STEAP4: variants seen among roughly 807,000 people sequenced by gnomAD.
STEAP4 encodes metalloreductase STEAP4.
Under a neutral mutation model 43.6 loss-of-function variants are expected in STEAP4, and 36 were observed. That is an observed-to-expected ratio of 0.83 (90% CI 0.63 to 1.09). The LOEUF (loss-of-function observed/expected upper bound fraction) is 1.09, where lower values mean the gene tolerates loss of function less well. Ranked by LOEUF, STEAP4 falls within the 50% of genes least tolerant of loss-of-function variation. The pLI, the probability that STEAP4 is intolerant of heterozygous loss-of-function variation, is 0.00. For synonymous variants in STEAP4, 191 were observed against 196.7 expected, an observed-to-expected ratio of 0.97 and a Z score of 0.24; for missense variants, 495 against 546.5, an observed-to-expected ratio of 0.91 and a Z score of 0.94.
chr7:88,291,346 G>A (rs936000350), intron 1 of STEAP4, among the ~76,000 whole-genome samples: 4 of 151,918 alleles, frequency 2.6e-5, no homozygotes, highest in Non-Finnish European at 1.5e-5. Flanking sequence ...AATTAGCCAG[G>A]TGTGGTGGAA....
At position 88,272,937 on chromosome 7, in the gene STEAP4, C is replaced by G. The variant is rs1482956717; in HGVS notation, c.*6461G>C. On this transcript the variant is annotated 3_prime_UTR_variant, in exon 5 of 5. Transcript: ENST00000380079. ...TGTAGAAGGCTAGCTATAACAGACT[C>G]TATAGAAAATTCCTGCATTTGGTAG... The G allele has an allele frequency of 6.6e-6, 1 of 152,182 alleles. No individual in the cohort carries two copies. Among genetic ancestry groups the G allele is most frequent in the Non-Finnish European group, 1.5e-5 (1 of 68,032 alleles). The allele number at this position is 152,182 out of a possible 1,614,324, so 9.4% of individuals were successfully genotyped here.
chr7:88,280,931 T>A lies in STEAP4; in HGVS notation c.1133A>T (p.Glu378Val). 1 of 1,605,140 alleles carries A rather than the reference T, an allele frequency of 6.2e-7. No homozygotes were observed. The highest frequency in any genetic ancestry group is 8.5e-7 in the Non-Finnish European group (1 of 1,176,700). Reference protein sequence around the residue: ...PSVSNAVNWREFRFVQSKLGY... With the variant: ...PSVSNAVNWRVFRFVQSKLGY... Reference sequence around the variant, plus strand: ...AGTTCTTACCTGGACAAATCGGAACTCTCTCCAGTTGACTGCATTGCTAAC... The same window carrying A: ...AGTTCTTACCTGGACAAATCGGAACACTCTCCAGTTGACTGCATTGCTAAC... The change falls in exon 4 of 5, where the codon GAG becomes GTG. Residue 378 changes from glutamate to valine, a missense_variant. By Grantham distance (121) the Glu-to-Val change is moderately radical. Transcript: ENST00000380079.
At position 88,284,212 on chromosome 7, in the gene STEAP4, CT is replaced by C. The variant is rs1264553332; in HGVS notation, c.57del (p.Glu20ArgfsTer17). 6.2e-7 allele frequency: 1 copy of C among 1,612,454 alleles called. No homozygotes were observed. Among genetic ancestry groups the C allele is most frequent in the Non-Finnish European group, 8.5e-7 (1 of 1,179,068 alleles). ...CCAGTTCCAAAAATACATACAGTCT[CT>C]TGCTTTTCTGAAGAATTCATAGTAA... Reference protein sequence around the residue: ...LPLTMNSSEKQETVCIFGTGD... With the variant: ...LPLTMNSSEKXETVCIFGTGD... On this transcript the variant is annotated frameshift_variant, in exon 2 of 5. Transcript: ENST00000380079. LOFTEE classifies it high-confidence loss of function.
At chr7:88,282,147 CTTT>C (rs202221497) in intron 3 of STEAP4, 4 of 145,178 alleles carry the variant, frequency 2.8e-5, no homozygotes, top group Non-Finnish European at 3.0e-5. Context: ...TTTTTTCTTT[CTTT>C]TTTTTTTTTT....
At chr7:88,302,951 CAAA>C (rs35493493) in intron 1 of STEAP4, among the ~76,000 whole-genome samples, 15 of 51,456 alleles carry the variant, frequency 2.9e-4, no homozygotes, top group African/African-American at 8.6e-4. Context: ...GAGACTGTCT[CAAA>C]AAAAAAAAAA....
intron 2 of STEAP4, 111 bp from the exon 3 acceptor site, chr7:88,283,279 C>G: frequency 8.9e-7 from 1 of 1,126,258 alleles, no homozygotes; most frequent in Non-Finnish European, 1.2e-6. Flanking sequence ...AACAGTGAAC[C>G]GATTTTAAAA....
At chr7:88,302,943 G>C (rs1157218492) in intron 1 of STEAP4, among the ~76,000 whole-genome samples, 2 of 102,918 alleles carry the variant, frequency 1.9e-5, no homozygotes, top group Non-Finnish European at 3.5e-5. Context: ...GAAGGAGTGA[G>C]ACTGTCTCAA....
At chr7:88,305,289 T>A (rs1853109802) in intron 1 of STEAP4, among the ~76,000 whole-genome samples, 1 of 152,186 alleles carries the variant, frequency 6.6e-6, no homozygotes, top group South Asian at 2.1e-4. Context: ...ATAGGAAGTG[T>A]CTCATCCTGT....
intron 4 of STEAP4, among the ~76,000 whole-genome samples, chr7:88,280,488 G>T (rs1224931361): frequency 1.3e-5 from 2 of 152,332 alleles, no homozygotes; most frequent in Middle Eastern, 3.4e-3. Flanking sequence ...GTTGGTGCTT[G>T]ACATGTGGAA....
Position 88,283,788 on chromosome 7 carries a change from T to C in STEAP4, c.456+26A>G, listed in dbSNP as rs956866305. On this transcript the variant is annotated intron_variant, in intron 2 of 4. Coordinates refer to ENST00000380079, the MANE Select transcript of STEAP4 (RefSeq NM_024636.4). ...CATTTAATGATTCATGTTTTAAAGA[T>C]TGAGTGTAAATTTGTTTATTCTTAC... is the stretch of plus-strand genomic sequence containing the variant. The C allele has an allele frequency of 6.3e-6, 10 of 1,582,448 alleles. 1 individual carries two copies. In the South Asian group the frequency reaches 6.9e-5, roughly 11 times the overall value.
At chr7:88,284,296 C>G (rs891757386) in intron 1 of STEAP4, 25 bp from the exon 2 acceptor site, 2 of 1,464,672 alleles carry the variant, frequency 1.4e-6, no homozygotes, top group Non-Finnish European at 1.8e-6. Flanking sequence ...CACAAATGCC[C>G]AACAAAATAT....
chr7:88,287,003 T>C (rs1852748301), intron 1 of STEAP4, among the ~76,000 whole-genome samples: 1 of 151,996 alleles, frequency 6.6e-6, no homozygotes, highest in South Asian at 2.1e-4. Flanking sequence ...AGATACCTTG[T>C]GATAGGGCTA....
intron 3 of STEAP4, chr7:88,281,425 C>T (rs1852618911): frequency 5.8e-6 from 1 of 172,318 alleles, no homozygotes; most frequent in African/African-American, 2.4e-5. Flanking sequence ...CATCAGAATT[C>T]TGTTTTTCTG....
rs1480101852 is a variant in STEAP4 at position 88,272,247 on chromosome 7, C to T, written c.*7151G>A. 2 of 152,222 alleles carry T rather than the reference C, an allele frequency of 1.3e-5. No homozygotes were observed. Among genetic ancestry groups the T allele is most frequent in the Non-Finnish European group, 2.9e-5 (2 of 68,046 alleles). The allele number at this position is 152,222 out of a possible 1,614,324, so 9.4% of individuals were successfully genotyped here. A position where few individuals can be genotyped will look rare whatever the true frequency, so the allele number is the denominator to read the frequency against. ...TTTGGTGGATGAAAAGCACAGTTTCCTTTCCCCTTGATGGGAATAACTCTT... is the reference window on the plus strand; with the variant it reads ...TTTGGTGGATGAAAAGCACAGTTTCTTTTCCCCTTGATGGGAATAACTCTT... On this transcript the variant is annotated 3_prime_UTR_variant, in exon 5 of 5. Transcript: ENST00000380079.
intron 1 of STEAP4, among the ~76,000 whole-genome samples, chr7:88,286,258 C>G (rs1312405316): frequency 1.3e-5 from 2 of 152,148 alleles, no homozygotes; most frequent in Non-Finnish European, 2.9e-5. Flanking sequence ...ATAACATATA[C>G]TGAGGCATAT....
chr7:88,294,822 T>G (rs1468055746), intron 1 of STEAP4, among the ~76,000 whole-genome samples: 1 of 152,168 alleles, frequency 6.6e-6, no homozygotes, highest in Non-Finnish European at 1.5e-5. Flanking sequence ...ATCTTCCCTT[T>G]TCTTTGGTAC....
intron 1 of STEAP4, among the ~76,000 whole-genome samples, chr7:88,286,798 C>CACAG (rs1852744175): frequency 8.9e-6 from 1 of 112,014 alleles, no homozygotes; most frequent in East Asian, 1.9e-4. Context: ...CACACACACA[C>CACAG]ACACACACAC....
intron 1 of STEAP4, among the ~76,000 whole-genome samples, chr7:88,305,217 T>A (rs917720147): frequency 5.9e-5 from 9 of 152,154 alleles, no homozygotes; most frequent in Admixed American, 5.9e-4. Context: ...ATAGAAAAAC[T>A]GCTATGACCC....
chr7:88,288,496 C>A (rs924039096), intron 1 of STEAP4, among the ~76,000 whole-genome samples: 1 of 152,102 alleles, frequency 6.6e-6, no homozygotes, highest in East Asian at 1.9e-4. Flanking sequence ...AAAAATGAAA[C>A]TAGAACAGAA....
Sources: gnomAD v4.1 joint callset for allele counts (sites outside exome capture counted in the v4.1 genomes callset) on GRCh38, gnomAD v4.1.1 for gene constraint, MANE v1.5 for transcripts, NCBI Gene and HGNC (gene_info 2026-07-23, HGNC 2026-07-21) for gene names.